UNC5B: variants seen among roughly 807,000 people sequenced by gnomAD.
The protein encoded by UNC5B is netrin receptor UNC5B.
In UNC5B, 56 loss-of-function variants were observed where a neutral mutation model predicts 103.7. The ratio of observed to expected loss-of-function variants is 0.54; its 90% CI spans 0.44 to 0.67. UNC5B has a LOEUF of 0.67. Ranked by LOEUF, UNC5B falls within the 30% of genes least tolerant of loss-of-function variation. The pLI is 0.00. For synonymous variants in UNC5B, 577 were observed against 542.0 expected (o/e 1.06, Z -0.90); for missense variants, 1,194 against 1,284.5 (o/e 0.93, Z 1.08).
At chr10:71,287,449 A>T (rs1845117830) in intron 5 of UNC5B, 149 bp from the exon 6 acceptor site, 3 of 942,150 alleles carry the variant, frequency 3.2e-6, no homozygotes, top group East Asian at 2.6e-5. Flanking sequence ...TCTATCTGCC[A>T]GTTCTGAGTC....
chr10:71,226,977 ATTC>A (rs1026392061), intron 1 of UNC5B, among the ~76,000 whole-genome samples: 1 of 134,496 alleles, frequency 7.4e-6, no homozygotes, highest in Non-Finnish European at 1.7e-5. Flanking sequence ...GTTGGAGACC[ATTC>A]TTCTTTTTTT....
chr10:71,246,102 C>A (rs893744597), intron 1 of UNC5B, among the ~76,000 whole-genome samples: 4 of 151,956 alleles, frequency 2.6e-5, no homozygotes, highest in African/African-American at 9.7e-5. Context: ...AGCTGGGAAA[C>A]AAGACTCCCG....
chr10:71,226,008 G>A (rs1233428105), intron 1 of UNC5B, among the ~76,000 whole-genome samples: 6 of 152,296 alleles, frequency 3.9e-5, no homozygotes, highest in Middle Eastern at 6.8e-3. Context: ...CCACCCCCTA[G>A]TTCCTACAGA....
chr10:71,227,408 G>A (rs1349081052), intron 1 of UNC5B, among the ~76,000 whole-genome samples: 2 of 151,668 alleles, frequency 1.3e-5, no homozygotes, highest in East Asian at 3.9e-4. Flanking sequence ...TGGACTTTAG[G>A]GAGATGGGGG....
intron 1 of UNC5B, among the ~76,000 whole-genome samples, chr10:71,218,406 T>C (rs1298790022): frequency 1.3e-5 from 2 of 152,174 alleles, no homozygotes; most frequent in Admixed American, 6.5e-5. Flanking sequence ...TTGTATTCCG[T>C]TGGGGATTCC....
intron 1 of UNC5B, among the ~76,000 whole-genome samples, chr10:71,259,869 G>A (rs983353114): frequency 1.7e-4 from 26 of 152,232 alleles, no homozygotes; most frequent in Non-Finnish European, 4.4e-5. Flanking sequence ...CCCACCTCCT[G>A]AGTTTGGGGT....
chr10:71,253,292 T>C (rs1417728523), intron 1 of UNC5B, among the ~76,000 whole-genome samples: 1 of 152,174 alleles, frequency 6.6e-6, no homozygotes, highest in Non-Finnish European at 1.5e-5. Context: ...AGCTTGGTCT[T>C]AGTGATGCTG....
At chr10:71,251,390 T>C (rs1174963749) in intron 1 of UNC5B, among the ~76,000 whole-genome samples, 2 of 152,192 alleles carry the variant, frequency 1.3e-5, no homozygotes, top group Non-Finnish European at 2.9e-5. Context: ...AGGTGGTAGG[T>C]ACAATAGAAA....
Position 71,287,645 on chromosome 10 carries a change from C to G in UNC5B, c.781C>G (p.Arg261Gly). ...GGCAGAGTGGTCACCCTGCTCCAAC[C>G]GCTGTGGCCGAGGCTGGCAGAAGCG... Reference protein sequence around the residue: ...SWAEWSPCSNRCGRGWQKRTR... With the variant: ...SWAEWSPCSNGCGRGWQKRTR... The change falls in exon 6 of 17, where the codon CGC becomes GGC. Residue 261 changes from arginine to glycine, a missense_variant. Physicochemically the swap from Arg to Gly is moderately radical, Grantham distance 125 (BLOSUM62 -2). Transcript: ENST00000335350. 1 of 1,612,172 alleles carries G rather than the reference C, an allele frequency of 6.2e-7. No individual in the cohort carries two copies. Among genetic ancestry groups the G allele is most frequent in the East Asian group, 2.2e-5 (1 of 44,718 alleles).
chr10:71,291,410 A>C lies in UNC5B; in HGVS notation c.1295-22A>C, dbSNP rs779742119. On this transcript the variant is annotated intron_variant, in intron 9 of 16. Transcript: ENST00000335350. ...GTGAGCTGAGGCACAGCTGGGTCTG[A>C]CTATAGCCCCTACTCCTGCAGGCAA... The C allele has an allele frequency of 6.6e-5, 104 of 1,571,856 alleles. 2 individuals carry two copies. The South Asian group carries it at 1.2e-3, about 18-fold the overall frequency.
At chr10:71,254,159 C>T (rs941837196) in intron 1 of UNC5B, among the ~76,000 whole-genome samples, 2 of 152,234 alleles carry the variant, frequency 1.3e-5, no homozygotes, top group Non-Finnish European at 2.9e-5. Flanking sequence ...GGTGGTTATG[C>T]AAAGTAATGT....
intron 1 of UNC5B, among the ~76,000 whole-genome samples, chr10:71,228,818 G>A (rs1843623690): frequency 1.3e-5 from 2 of 152,214 alleles, no homozygotes; most frequent in Admixed American, 1.3e-4. Context: ...GATGGCTCTG[G>A]GAGGAAGGTC....
In UNC5B at chr10:71,298,167, C is replaced by T. The variant is rs1845492671; in HGVS notation, c.2672+77C>T. On this transcript the variant is annotated intron_variant, in intron 16 of 16. Transcript: ENST00000335350. ...TCACAGGGGCAGGCAGGGCAGGCAG[C>T]CTGACAGCCACGACCATCTCCCAGA... 18 of 1,489,546 alleles carry T rather than the reference C, an allele frequency of 1.2e-5. No individual in the cohort carries two copies. In the South Asian group the frequency reaches 2.4e-4, roughly 20 times the overall value. 92.3% of individuals were successfully genotyped at this position (1,489,546 alleles called of 1,614,324 possible). A position where few individuals can be genotyped will look rare whatever the true frequency, so the allele number is the denominator to read the frequency against.
intron 1 of UNC5B, among the ~76,000 whole-genome samples, chr10:71,215,415 G>T (rs187793971): frequency 5.3e-5 from 8 of 152,238 alleles, no homozygotes; most frequent in Non-Finnish European, 8.8e-5. Flanking sequence ...TCTTTACTGG[G>T]GGTGTCCAAG....
At chr10:71,293,366 C>G (rs1845315739) in intron 11 of UNC5B, 39 bp from the exon 12 acceptor site, 6 of 1,570,962 alleles carry the variant, frequency 3.8e-6, no homozygotes, top group Non-Finnish European at 5.2e-6. Context: ...CTTTGCCGAG[C>G]TCTTCACTGC....
At chr10:71,274,222 G>C (rs533799289) in intron 1 of UNC5B, among the ~76,000 whole-genome samples, 1 of 79,748 alleles carries the variant, frequency 1.3e-5, no homozygotes, top group South Asian at 4.7e-4. Context: ...TTAGCCAGTT[G>C]TGGTGGCGGG....
At position 71,300,885 on chromosome 10, in the gene UNC5B, T is replaced by G. The variant is rs1845571613; in HGVS notation, c.*1608T>G. On this transcript the variant is annotated 3_prime_UTR_variant, in exon 17 of 17. Coordinates refer to ENST00000335350, the MANE Select transcript of UNC5B (RefSeq NM_170744.5). ...ACCCACCCCGCTACGGTCTGAGAGA[T>G]CTGAAATAACCTTTCCCAGTGGGCA... 1 of 152,314 alleles carries G rather than the reference T, an allele frequency of 6.6e-6. No homozygotes were observed. Among genetic ancestry groups the G allele is most frequent in the South Asian group, 2.1e-4 (1 of 4,828 alleles). 9.4% of individuals were successfully genotyped at this position (152,314 alleles called of 1,614,324 possible). A position where few individuals can be genotyped will look rare whatever the true frequency, so the allele number is the denominator to read the frequency against.
At chr10:71,244,638 C>A (rs1292910053) in intron 1 of UNC5B, among the ~76,000 whole-genome samples, 3 of 152,192 alleles carry the variant, frequency 2.0e-5, no homozygotes, top group Admixed American at 2.0e-4. Context: ...CGTAGAGAGG[C>A]AAGTCATAAA....
intron 1 of UNC5B, among the ~76,000 whole-genome samples, chr10:71,239,228 G>A (rs61269762): frequency 0.09 from 13,703 of 152,228 alleles, 1,720 homozygotes; most frequent in African/African-American, 0.28. Flanking sequence ...CTTGCGTTGG[G>A]ATGGCATTGG....
Sources: gnomAD v4.1 joint callset for allele counts (sites outside exome capture counted in the v4.1 genomes callset) on GRCh38, gnomAD v4.1.1 for gene constraint, MANE v1.5 for transcripts, NCBI Gene and HGNC (gene_info 2026-07-23, HGNC 2026-07-21) for gene names.